Variants in SNAP47 observed in about 807,000 individuals in gnomAD.
SNAP47 encodes the protein synaptosome associated protein 47.
A neutral mutation model predicts 31.4 loss-of-function variants in SNAP47; 20 were observed. That is an observed-to-expected ratio of 0.64 (90% CI 0.45 to 0.93). SNAP47 has a LOEUF of 0.93. Among genes scored for constraint, SNAP47 ranks in the 40% least tolerant of loss-of-function variants. SNAP47 has a pLI of 0.00. For synonymous variants in SNAP47, 194 were observed against 213.4 expected, an observed-to-expected ratio of 0.91 and a Z score of 0.79; for missense variants, 492 against 528.5, an observed-to-expected ratio of 0.93 and a Z score of 0.68.
At chr1:227,728,466 C>A (rs1660448140), upstream of SNAP47, 1 of 139,644 alleles carries the variant, frequency 7.2e-6, no homozygotes, top group African/African-American at 2.6e-5. Context: ...CCCGTCCTCT[C>A]CCCGCCTCCC....
upstream of SNAP47, chr1:227,735,341 C>T (rs752952669): frequency 3.1e-6 from 5 of 1,597,832 alleles, no homozygotes; most frequent in East Asian, 2.2e-5. Context: ...GAGGACCAGC[C>T]TCGGAACCAG....
At chr1:227,774,049 G>C (rs1664005756) in intron 4 of SNAP47, among the ~76,000 whole-genome samples, 1 of 152,204 alleles carries the variant, frequency 6.6e-6, no homozygotes, top group Non-Finnish European at 1.5e-5. Flanking sequence ...GGAGACACCT[G>C]CTGTGGATCC....
intron 4 of SNAP47, among the ~76,000 whole-genome samples, chr1:227,779,384 G>A (rs1000063862): frequency 5.9e-5 from 9 of 152,164 alleles, no homozygotes; most frequent in Non-Finnish European, 1.0e-4. Flanking sequence ...CTCCCGCCAT[G>A]TCACTGGGCG....
intron 3 of SNAP47, among the ~76,000 whole-genome samples, chr1:227,766,662 GT>G (rs1411988139): frequency 6.6e-6 from 1 of 152,194 alleles, no homozygotes; most frequent in Non-Finnish European, 1.5e-5. Context: ...TGATTCTTGT[GT>G]TTTTTACTCC....
At position 227,747,977 on chromosome 1, in the gene SNAP47, A is replaced by G. The variant is rs1344867333; in HGVS notation, c.241A>G (p.Ser81Gly). 1.2e-6 allele frequency: 2 copies of G among 1,614,240 alleles called. No homozygotes were observed. Among genetic ancestry groups the G allele is most frequent in the Non-Finnish European group, 1.7e-6 (2 of 1,180,040 alleles). Residue 81 changes from serine to glycine, a missense_variant, in exon 2 of 5, where the codon AGC (serine) becomes GGC (glycine). Coordinates refer to ENST00000617596, the MANE Select transcript of SNAP47 (RefSeq NM_053052.4). ...GAAGGGCCATGCCAAGCACTGGTTC[A>G]GCTCCCTGCGGCCAAGTCGAAATGT... Reference protein sequence around the residue: ...LEKGHAKHWFSSLRPSRNVVF... With the variant: ...LEKGHAKHWFGSLRPSRNVVF...
intron 4 of SNAP47, among the ~76,000 whole-genome samples, chr1:227,769,551 A>G (rs1247202882): frequency 1.3e-5 from 2 of 152,118 alleles, no homozygotes; most frequent in African/African-American, 2.4e-5. Flanking sequence ...TTTGTTGCAG[A>G]TGCTATTAAA....
At chr1:227,757,355 A>G (rs1464880487) in intron 2 of SNAP47, among the ~76,000 whole-genome samples, 3 of 152,234 alleles carry the variant, frequency 2.0e-5, no homozygotes, top group Non-Finnish European at 2.9e-5. Flanking sequence ...AGCACAGGGC[A>G]CCATTTTGAC....
At chr1:227,773,407 G>A (rs1663950899) in intron 4 of SNAP47, among the ~76,000 whole-genome samples, 1 of 152,192 alleles carries the variant, frequency 6.6e-6, no homozygotes, top group African/African-American at 2.4e-5. Flanking sequence ...AAGAGTCAGA[G>A]TTAAAGAAAA....
At chr1:227,749,524 C>T (rs1662205827) in intron 2 of SNAP47, among the ~76,000 whole-genome samples, 1 of 152,204 alleles carries the variant, frequency 6.6e-6, no homozygotes, top group African/African-American at 2.4e-5. Context: ...CTCCTCATCA[C>T]CCCATAGGGC....
chr1:227,749,684 G>T (rs1321154536), intron 2 of SNAP47, among the ~76,000 whole-genome samples: 2 of 152,068 alleles, frequency 1.3e-5, no homozygotes, highest in African/African-American at 2.4e-5. Context: ...TGTTGAGTTT[G>T]CCGTCCTTCT....
chr1:227,747,641 T>G (rs1236995908), intron 1 of SNAP47, 51 bp from the exon 2 acceptor site: 1 of 1,525,376 alleles, frequency 6.6e-7, no homozygotes, highest in Admixed American at 2.0e-5. Flanking sequence ...GGGTTGCTTG[T>G]GTCTCCAGTC....
At chr1:227,740,951 C>A (rs770015669) in intron 1 of SNAP47, among the ~76,000 whole-genome samples, 1 of 140,794 alleles carries the variant, frequency 7.1e-6, no homozygotes, top group Admixed American at 6.9e-5. Flanking sequence ...AGATGCCCAG[C>A]GGGTGACAGG....
chr1:227,759,519 A>C (rs1305853736), intron 3 of SNAP47, 34 bp downstream of exon 3: 1 of 1,596,672 alleles, frequency 6.3e-7, no homozygotes, highest in African/African-American at 1.3e-5. Flanking sequence ...GCGCGTGCAC[A>C]GACTTCTAAA....
At chr1:227,765,303 G>C (rs1663322868) in intron 3 of SNAP47, among the ~76,000 whole-genome samples, 1 of 152,238 alleles carries the variant, frequency 6.6e-6, no homozygotes, top group Admixed American at 6.5e-5. Context: ...TGGGCAGTTT[G>C]TGCCCCTCCA....
intron 3 of SNAP47, chr1:227,759,771 A>C: frequency 2.3e-6 from 1 of 433,256 alleles, no homozygotes; most frequent in Non-Finnish European, 4.1e-6. Context: ...ATCCTCACCA[A>C]AGCTCATGTG....
upstream of SNAP47, chr1:227,733,539 G>A (rs1376599829): frequency 1.2e-6 from 2 of 1,607,386 alleles, no homozygotes; most frequent in South Asian, 1.1e-5. Context: ...CAGAGTGCTG[G>A]GGAGGTCACG....
chr1:227,778,617 A>G (rs1454298598), intron 4 of SNAP47, among the ~76,000 whole-genome samples: 1 of 152,132 alleles, frequency 6.6e-6, no homozygotes, highest in Non-Finnish European at 1.5e-5. Context: ...TGCCCTCAGG[A>G]TCACACTGAC....
intron 1 of SNAP47, chr1:227,747,226 A>C: frequency 6.4e-6 from 1 of 156,222 alleles, no homozygotes; most frequent in Non-Finnish European, 1.4e-5. Context: ...GGGAATGTGC[A>C]TCTAGAGGGA....
chr1:227,762,268 C>T lies in SNAP47; in HGVS notation c.988+2783C>T, dbSNP rs1402895002. Among the ~76,000 whole-genome samples the T allele has an allele frequency of 6.6e-6, 1 of 152,232 alleles. No homozygotes were observed. Among genetic ancestry groups the T allele is most frequent in the Non-Finnish European group, 1.5e-5 (1 of 68,032 alleles). ...CTGGCCTGTCCAGGTAAGTGCTGGT[C>T]TCATGGGGGCAGCTGTGCCTCCAGA... is the stretch of plus-strand genomic sequence containing the variant. On this transcript the variant is annotated intron_variant, in intron 3 of 4. Coordinates refer to ENST00000617596, the MANE Select transcript of SNAP47 (RefSeq NM_053052.4). This position sits in a 1 kb window ranked among gnomAD's most constrained non-coding sequence, Gnocchi z 4.2.
Sources: allele counts gnomAD v4.1 joint callset (sites outside exome capture counted in the v4.1 genomes callset), GRCh38; gene constraint gnomAD v4.1.1; non-coding constraint Gnocchi (gnomAD v3.1); transcripts MANE v1.5; gene names NCBI Gene and HGNC (gene_info 2026-07-23, HGNC 2026-07-21).